Variants in CROCC2 observed in about 807,000 individuals in gnomAD.
The protein encoded by CROCC2 is ciliary rootlet coiled-coil protein 2.
Under a neutral mutation model 177.6 loss-of-function variants are expected in CROCC2, and 163 were observed. The observed-to-expected ratio is 0.92, with a 90% CI of 0.81 to 1.05. The LOEUF (loss-of-function observed/expected upper bound fraction) is 1.05. Ranked by LOEUF, CROCC2 falls within the 50% of genes least tolerant of loss-of-function variation. CROCC2 has a pLI of 0.00. For missense variants in CROCC2, 1,929 were observed against 1,797.8 expected (o/e 1.07, Z -1.32); for synonymous variants, 904 against 787.3 (o/e 1.15, Z -2.48).
Position 240,953,814 on chromosome 2 carries a change from G to GGA in CROCC2, c.2830-2045_2830-2044insGA, listed in dbSNP as rs1364187325. 6.6e-6 allele frequency among the ~76,000 whole-genome samples: 1 copy of GGA among 152,192 alleles called. No homozygotes were observed. The highest frequency in any genetic ancestry group is 1.5e-5 in the Non-Finnish European group (1 of 68,036). ...ACCTGGAGCCGCTGGCCCAGGAGGG[G>GGA]CTGTCTCCACTGGAACCCTCCATTC... On this transcript the variant is annotated intron_variant, in intron 18 of 31. Transcript: ENST00000690015. This position sits in a 1 kb window ranked among gnomAD's most constrained non-coding sequence, Gnocchi z 4.0.
intron 30 of CROCC2, among the ~76,000 whole-genome samples, chr2:240,990,920 G>A (rs1216046975): frequency 2.0e-5 from 3 of 152,184 alleles, no homozygotes; most frequent in Non-Finnish European, 2.9e-5. Context: ...GAACAGAAGC[G>A]GGCCCATCCA....
intron 1 of CROCC2, among the ~76,000 whole-genome samples, chr2:240,911,441 G>A (rs2106449182): frequency 6.6e-6 from 1 of 151,978 alleles, no homozygotes; most frequent in Admixed American, 6.5e-5. Context: ...GGGACTACAG[G>A]CACACGCCAC....
At chr2:240,987,079 G>C (rs946305928) in intron 28 of CROCC2, among the ~76,000 whole-genome samples, 2 of 152,238 alleles carry the variant, frequency 1.3e-5, no homozygotes, top group Non-Finnish European at 2.9e-5. Context: ...CCAGTCACCA[G>C]CCCCTGCTGC....
At chr2:240,969,232 A>G (rs991907331) in intron 27 of CROCC2, among the ~76,000 whole-genome samples, 5 of 152,224 alleles carry the variant, frequency 3.3e-5, no homozygotes, top group African/African-American at 9.6e-5. Flanking sequence ...AAAGGCCCCA[A>G]GGGCAGCCGG....
intron 28 of CROCC2, among the ~76,000 whole-genome samples, chr2:240,985,669 C>T (rs1415367637): frequency 9.5e-6 from 1 of 105,458 alleles, no homozygotes; most frequent in Non-Finnish European, 1.8e-5. Flanking sequence ...GCACACACAC[C>T]CAGGCACTCA....
At chr2:240,966,790 G>A (rs2059687282) in intron 25 of CROCC2, among the ~76,000 whole-genome samples, 1 of 152,136 alleles carries the variant, frequency 6.6e-6, no homozygotes, top group South Asian at 2.1e-4. Flanking sequence ...AAGCTCCCCA[G>A]TGGCTGCTCC....
chr2:240,987,096 T>C (rs1291706236), intron 28 of CROCC2, among the ~76,000 whole-genome samples: 50 of 152,174 alleles, frequency 3.3e-4, no homozygotes, highest in Non-Finnish European at 1.5e-5. Flanking sequence ...CTGCTATTAC[T>C]GAAGGGGGCC....
At chr2:240,990,947 G>T (rs1421482649) in intron 30 of CROCC2, among the ~76,000 whole-genome samples, 3 of 152,258 alleles carry the variant, frequency 2.0e-5, no homozygotes, top group Non-Finnish European at 2.9e-5. Context: ...GTGCGCGGTG[G>T]CCATACTCCT....
chr2:240,991,172 C>G (rs1484797435), intron 30 of CROCC2, 24 bp from the exon 31 acceptor site: 1 of 1,520,086 alleles, frequency 6.6e-7, no homozygotes, highest in African/African-American at 1.4e-5. Context: ...GCCCACCTGA[C>G]CTGAGCCACT....
chr2:240,936,111 C>T (rs148777310), intron 14 of CROCC2, among the ~76,000 whole-genome samples: 1 of 152,360 alleles, frequency 6.6e-6, no homozygotes, highest in African/African-American at 2.4e-5. Flanking sequence ...TCAGATTCCG[C>T]AGCCCCCGTC....
intron 14 of CROCC2, 84 bp from the exon 15 acceptor site, chr2:240,945,976 T>C: frequency 1.9e-6 from 2 of 1,065,316 alleles, no homozygotes; most frequent in East Asian, 2.7e-5. Context: ...TCTTCTGAAG[T>C]CCTTTCTTCC....
At chr2:240,948,106 C>T (rs1387977599) in intron 15 of CROCC2, among the ~76,000 whole-genome samples, 1 of 152,088 alleles carries the variant, frequency 6.6e-6, no homozygotes, top group Non-Finnish European at 1.5e-5. Flanking sequence ...GGAAGAGCTG[C>T]CAGGTGAAGA....
Position 240,982,936 on chromosome 2 carries a change from T to A in CROCC2, c.4458T>A (p.Gly1486=). The A allele has an allele frequency of 6.5e-7, 1 of 1,550,268 alleles. No individual in the cohort carries two copies. Among genetic ancestry groups the A allele is most frequent in the Non-Finnish European group, 8.7e-7 (1 of 1,146,908 alleles). The change falls in exon 28 of 32, where the codon GGT becomes GGA. Residue 1486 remains glycine, a synonymous_variant. Coordinates refer to ENST00000690015, the MANE Select transcript of CROCC2 (RefSeq NM_001351305.2). The surrounding 1 kb of genome is among the most constrained non-coding windows in gnomAD (Gnocchi z 4.7). Reference sequence around the variant, plus strand: ...AAGAGAGCAGGAGGCACAGCCAAGGTCTGGCCAAGCAGGGGAAGCTGCTGG... The same window carrying A: ...AAGAGAGCAGGAGGCACAGCCAAGGACTGGCCAAGCAGGGGAAGCTGCTGG... ...ALEESRRHSQ[G]LAKQGKLLEE...
intron 27 of CROCC2, among the ~76,000 whole-genome samples, chr2:240,975,099 G>A (rs73107863): frequency 0.01 from 1,578 of 152,292 alleles, 32 homozygotes; most frequent in African/African-American, 0.036. Flanking sequence ...AGAGAATACT[G>A]GACAAACTGA....
chr2:240,928,434 G>GTGTGTGTA (rs2059407382), intron 5 of CROCC2, among the ~76,000 whole-genome samples: 1 of 151,752 alleles, frequency 6.6e-6, no homozygotes, highest in African/African-American at 2.4e-5. Flanking sequence ...GTGTGTGTGT[G>GTGTGTGTA]TGTGTGTGTG....
chr2:240,954,178 C>T (rs993494325), intron 18 of CROCC2, among the ~76,000 whole-genome samples: 4 of 152,160 alleles, frequency 2.6e-5, no homozygotes, highest in Non-Finnish European at 4.4e-5. Context: ...CCACTCCTGC[C>T]CCTCCCCTTC....
intron 28 of CROCC2, 119 bp downstream of exon 28, chr2:240,983,148 G>A: frequency 9.3e-7 from 1 of 1,079,674 alleles, no homozygotes; most frequent in East Asian, 2.6e-5. Flanking sequence ...GAGGCCTAGA[G>A]AGATGCTGGA....
intron 14 of CROCC2, among the ~76,000 whole-genome samples, chr2:240,936,459 A>G (rs911453080): frequency 6.6e-6 from 1 of 152,202 alleles, no homozygotes; most frequent in Non-Finnish European, 1.5e-5. Flanking sequence ...TTTTGTGTCC[A>G]GCTTCTCTCT....
intron 4 of CROCC2, among the ~76,000 whole-genome samples, chr2:240,925,425 C>T (rs1250204437): frequency 6.6e-6 from 1 of 152,178 alleles, no homozygotes; most frequent in African/African-American, 2.4e-5. Flanking sequence ...CATTGAGGGA[C>T]GGGCCAAGGT....
Sources: allele counts gnomAD v4.1 joint callset (sites outside exome capture counted in the v4.1 genomes callset), GRCh38; gene constraint gnomAD v4.1.1; non-coding constraint Gnocchi (gnomAD v3.1); transcripts MANE v1.5; gene names NCBI Gene and HGNC (gene_info 2026-07-23, HGNC 2026-07-21).